MYO3B: variants seen among roughly 807,000 people sequenced by gnomAD.
MYO3B encodes myosin IIIB.
A neutral mutation model predicts 174.6 loss-of-function variants in MYO3B; 156 were observed. The ratio of observed to expected loss-of-function variants is 0.89; its 90% CI spans 0.78 to 1.02. The LOEUF (loss-of-function observed/expected upper bound fraction) is 1.02, where lower values mean the gene tolerates loss of function less well. Among genes scored for constraint, MYO3B ranks in the 50% least tolerant of loss-of-function variants. The pLI, the probability that MYO3B is intolerant of heterozygous loss-of-function variation, is 0.00. For synonymous variants in MYO3B, 563 were observed against 569.1 expected (o/e 0.99, Z 0.15); for missense variants, 1,632 against 1,639.4 (o/e 1.00, Z 0.08).
chr2:170,510,734 C>T (rs1007598801), intron 28 of MYO3B, among the ~76,000 whole-genome samples: 1 of 151,914 alleles, frequency 6.6e-6, no homozygotes, highest in Non-Finnish European at 1.5e-5. Context: ...ACCCCCCTCA[C>T]CCTCAGCCCC....
At chr2:170,183,293 G>C (rs1332467071) in intron 1 of MYO3B, among the ~76,000 whole-genome samples, 1 of 152,042 alleles carries the variant, frequency 6.6e-6, no homozygotes, top group Non-Finnish European at 1.5e-5. Context: ...ACTAAATTTA[G>C]GAAGAATTGA....
chr2:170,493,716 C>G (rs896538014), intron 25 of MYO3B, among the ~76,000 whole-genome samples: 1 of 152,164 alleles, frequency 6.6e-6, no homozygotes, highest in Admixed American at 6.5e-5. Flanking sequence ...ATTGCAAATT[C>G]TTCTCTTTCT....
intron 7 of MYO3B, among the ~76,000 whole-genome samples, chr2:170,330,540 A>G (rs1465747996): frequency 6.6e-6 from 1 of 152,178 alleles, no homozygotes; most frequent in Non-Finnish European, 1.5e-5. Flanking sequence ...TGTTTGGTTG[A>G]CCTACATGTG....
intron 7 of MYO3B, among the ~76,000 whole-genome samples, chr2:170,323,752 G>T (rs779987223): frequency 6.6e-6 from 1 of 152,170 alleles, no homozygotes; most frequent in African/African-American, 2.4e-5. Flanking sequence ...AAGTACTCAA[G>T]AAGTGAGTTA....
In MYO3B at chr2:170,564,126, GA is replaced by G. The variant is rs200607471; in HGVS notation, c.3733+20139del. Among the ~76,000 whole-genome samples the G allele has an allele frequency of 5.7e-3, 874 of 152,304 alleles. 2 individuals carry two copies. Among genetic ancestry groups the G allele is most frequent in the African/African-American group, 0.019 (799 of 41,548 alleles). On this transcript the variant is annotated intron_variant, in intron 32 of 34. Coordinates refer to ENST00000408978, the MANE Select transcript of MYO3B (RefSeq NM_138995.5). ...GATTTCACCTTGGGTCCTTCTTCAT[GA>G]GATATCAAGACCTGCAGGCAAGAGA...
In MYO3B at chr2:170,186,408, A is replaced by T. The variant is rs573114553; in HGVS notation, c.2+8119A>T. On this transcript the variant is annotated intron_variant, in intron 1 of 34. Coordinates refer to ENST00000408978, the MANE Select transcript of MYO3B (RefSeq NM_138995.5). The stretch of plus-strand genomic sequence containing the variant: ...ATGATTTTTGTCCTTCATTCTGTTG[A>T]TATGATGTATCACATTGATTGATTT... 2.0e-5 allele frequency among the ~76,000 whole-genome samples: 3 copies of T among 152,320 alleles called. No homozygotes were observed. The South Asian group carries it at 6.2e-4, about 32-fold the overall frequency.
chr2:170,410,602 A>G (rs1176557101), intron 22 of MYO3B, among the ~76,000 whole-genome samples: 1 of 151,756 alleles, frequency 6.6e-6, no homozygotes, highest in Non-Finnish European at 1.5e-5. Flanking sequence ...GAAAAAAAAA[A>G]AAAAAAAAAC....
rs958646655 is a variant in MYO3B, at chr2:170,300,153, ATTGTACTTACCTG to A, written c.750-35230_750-35218del. 5.5e-4 allele frequency among the ~76,000 whole-genome samples: 41 copies of A among 73,924 alleles called. No homozygotes were observed. In the South Asian group the frequency reaches 0.017, roughly 31 times the overall value. The allele number at this position is 73,924 out of a possible 152,430, so 48.5% of individuals were successfully genotyped here. A position where few individuals can be genotyped will look rare whatever the true frequency, so the allele number is the denominator to read the frequency against. ...GCTTTCTTCTTTGGGCACAGGGTAG[ATTGTACTTACCTG>A]TACCTTTGAAATTGGGTCTGACTAT... On this transcript the variant is annotated intron_variant, in intron 7 of 34. Coordinates refer to ENST00000408978, the MANE Select transcript of MYO3B (RefSeq NM_138995.5).
At chr2:170,252,071 A>G (rs933417226) in intron 7 of MYO3B, among the ~76,000 whole-genome samples, 1 of 152,178 alleles carries the variant, frequency 6.6e-6, no homozygotes, top group Non-Finnish European at 1.5e-5. Flanking sequence ...GGCATAGTTC[A>G]CCGTTCTTCC....
chr2:170,419,522 G>A (rs960783927), intron 22 of MYO3B, among the ~76,000 whole-genome samples: 5 of 152,180 alleles, frequency 3.3e-5, no homozygotes, highest in Admixed American at 6.5e-5. Flanking sequence ...TGAAGTAGTG[G>A]GGGTTATTAG....
intron 30 of MYO3B, 87 bp from the exon 31 acceptor site, chr2:170,542,819 A>C (rs1473411581): frequency 9.9e-7 from 1 of 1,011,934 alleles, no homozygotes; most frequent in African/African-American, 1.6e-5. Context: ...ATGTTTTGAT[A>C]TATCTTTGAA....
intron 25 of MYO3B, among the ~76,000 whole-genome samples, chr2:170,497,617 C>CA (rs34345597): frequency 0.88 from 131,251 of 148,600 alleles, 58,648 homozygotes; most frequent in East Asian, 0.99. Flanking sequence ...GACTCAGTCT[C>CA]AAAAAAAAAA....
intron 22 of MYO3B, among the ~76,000 whole-genome samples, chr2:170,441,545 CAG>C (rs2094800819): frequency 2.6e-5 from 4 of 152,206 alleles, no homozygotes; most frequent in Admixed American, 6.5e-5. Context: ...GCTCCATAGG[CAG>C]AGCAGCCCCA....
At chr2:170,489,920 G>A (rs946377874) in intron 25 of MYO3B, among the ~76,000 whole-genome samples, 2 of 151,078 alleles carry the variant, frequency 1.3e-5, no homozygotes, top group Non-Finnish European at 2.9e-5. Context: ...TTTAGCCAAT[G>A]TTTTGTAGTT....
chr2:170,298,315 G>A (rs760074011), intron 7 of MYO3B, among the ~76,000 whole-genome samples: 2 of 152,102 alleles, frequency 1.3e-5, no homozygotes, highest in Non-Finnish European at 2.9e-5. Flanking sequence ...GTTCTAGCTG[G>A]CAGGAAGTGA....
At position 170,649,355 on chromosome 2, in the gene MYO3B, T is replaced by A. The variant is rs1187977269; in HGVS notation, c.3734-2273T>A. On this transcript the variant is annotated intron_variant, in intron 32 of 34. Coordinates refer to ENST00000408978, the MANE Select transcript of MYO3B (RefSeq NM_138995.5). Reference sequence around the variant, plus strand: ...TATATATTATATATAAAATAATATATAATATATTATATAAAAATATAAATA... The same window carrying A: ...TATATATTATATATAAAATAATATAAAATATATTATATAAAAATATAAATA... 2.2e-3 allele frequency among the ~76,000 whole-genome samples: 83 copies of A among 37,470 alleles called. 1 individual carries two copies. The highest frequency in any genetic ancestry group is 2.9e-3 in the South Asian group (3 of 1,024). 24.6% of individuals were successfully genotyped at this position (37,470 alleles called of 152,430 possible).
At chr2:170,642,158 T>G (rs1401216513) in intron 32 of MYO3B, among the ~76,000 whole-genome samples, 1 of 152,018 alleles carries the variant, frequency 6.6e-6, no homozygotes, top group East Asian at 1.9e-4. Context: ...GAAGAGATCT[T>G]AATAAGAATG....
In MYO3B at chr2:170,369,235, G is replaced by GATT; in HGVS notation, c.830_832dup (p.Asp277_Phe278insTyr). The stretch of plus-strand genomic sequence containing the variant: ...TTTTGCAAACAGGTGTCTTATTAAG[G>GATT]ATTTTGAAAGGCGACCTTCCGTCAC... On this transcript the variant is annotated inframe_insertion, in exon 9 of 35. Transcript: ENST00000408978. 1 of 1,612,790 alleles carries GATT rather than the reference G, an allele frequency of 6.2e-7. No individual in the cohort carries two copies. Among genetic ancestry groups the GATT allele is most frequent in the Non-Finnish European group, 8.5e-7 (1 of 1,179,162 alleles).
At chr2:170,443,920 T>C in intron 22 of MYO3B, 47 bp from the exon 23 acceptor site, 1 of 1,516,872 alleles carries the variant, frequency 6.6e-7, no homozygotes, top group Non-Finnish European at 9.1e-7. Flanking sequence ...ATGATCCTAT[T>C]TCTTAACTTT....
Sources: gnomAD v4.1 joint callset for allele counts (sites outside exome capture counted in the v4.1 genomes callset) on GRCh38, gnomAD v4.1.1 for gene constraint, MANE v1.5 for transcripts, NCBI Gene and HGNC (gene_info 2026-07-23, HGNC 2026-07-21) for gene names.